Variants in OTUD7A observed in about 807,000 individuals in gnomAD.
The protein encoded by OTUD7A is OTU deubiquitinase 7A.
In OTUD7A, 12 loss-of-function variants were observed where a neutral mutation model predicts 65.7. The ratio of observed to expected loss-of-function variants is 0.18; its 90% CI spans 0.12 to 0.30. The LOEUF (loss-of-function observed/expected upper bound fraction) is 0.30. Among genes scored for constraint, OTUD7A ranks in the 10% least tolerant of loss-of-function variants. The pLI is 1.00. For synonymous variants in OTUD7A, 641 were observed against 586.3 expected (o/e 1.09, Z -1.35); for missense variants, 1,148 against 1,304.8 (o/e 0.88, Z 1.85).
rs1252494411 is a variant in OTUD7A, at chr15:31,851,431, T to C, written c.-100+19076A>G. ...TAGTAATGTCATAGAATCAATGTCA[T>C]ACATGGATTCTCTACTTAGGAAAGG... On this transcript the variant is annotated intron_variant, in intron 1 of 12. Coordinates refer to ENST00000307050, the MANE Select transcript of OTUD7A (RefSeq NM_001382637.1). Among the ~76,000 whole-genome samples the C allele has an allele frequency of 2.0e-5, 3 of 152,224 alleles. No homozygotes were observed. In the East Asian group the frequency reaches 5.8e-4, roughly 29 times the overall value.
Position 31,496,166 on chromosome 15 carries a change from C to T in OTUD7A, c.1171+5524G>A, listed in dbSNP as rs190271729. On this transcript the variant is annotated intron_variant, in intron 10 of 12. Coordinates refer to ENST00000307050, the MANE Select transcript of OTUD7A (RefSeq NM_001382637.1). ...TTGTAATAGGCATTACATACTTCCTCCATTATTTTATTCAGATAGGTACAC... is the reference window on the plus strand; with the variant it reads ...TTGTAATAGGCATTACATACTTCCTTCATTATTTTATTCAGATAGGTACAC... 1.5e-4 allele frequency among the ~76,000 whole-genome samples: 23 copies of T among 151,932 alleles called. No homozygotes were observed. The South Asian group carries it at 2.1e-3, about 14-fold the overall frequency.
chr15:31,625,589 T>C (rs1890927519), intron 3 of OTUD7A, among the ~76,000 whole-genome samples: 1 of 152,210 alleles, frequency 6.6e-6, no homozygotes, highest in Admixed American at 6.5e-5. Flanking sequence ...GCAGTTTCTG[T>C]AATACTCAAC....
At position 31,480,045 on chromosome 15, in the gene OTUD7A, C is replaced by G. The variant is rs532510813; in HGVS notation, c.*3249G>C. Reference sequence around the variant, plus strand: ...AGGTATTTGAACAAGCAGCAAAAAGCGTTTAACCCCCCGGAGCCCACAGTG... The same window carrying G: ...AGGTATTTGAACAAGCAGCAAAAAGGGTTTAACCCCCCGGAGCCCACAGTG... On this transcript the variant is annotated 3_prime_UTR_variant, in exon 13 of 13. Transcript: ENST00000307050. 6.6e-6 allele frequency: 1 copy of G among 152,180 alleles called. No individual in the cohort carries two copies. Among genetic ancestry groups the G allele is most frequent in the South Asian group, 2.1e-4 (1 of 4,824 alleles). The allele number at this position is 152,180 out of a possible 1,614,324, so 9.4% of individuals were successfully genotyped here.
intron 1 of OTUD7A, among the ~76,000 whole-genome samples, chr15:31,785,488 G>A (rs1895648647): frequency 6.6e-6 from 1 of 152,056 alleles, no homozygotes; most frequent in East Asian, 1.9e-4. Flanking sequence ...TCCAGACCTG[G>A]CCTCTGGAGC....
At chr15:31,844,631 T>C (rs890913229) in intron 1 of OTUD7A, among the ~76,000 whole-genome samples, 18 of 152,228 alleles carry the variant, frequency 1.2e-4, no homozygotes, top group Admixed American at 1.2e-3. Context: ...TGGTTCCTCA[T>C]ATACAACTCC....
Position 31,800,263 on chromosome 15 carries a change from C to A in OTUD7A, c.-100+70244G>T, listed in dbSNP as rs538814403. ...TGAGCCCAGGCTGGCCTCACCTAGACGCGCAGCATGTTTCTGCTCCCAGGC... is the reference window on the plus strand; with the variant it reads ...TGAGCCCAGGCTGGCCTCACCTAGAAGCGCAGCATGTTTCTGCTCCCAGGC... On this transcript the variant is annotated intron_variant, in intron 1 of 12. Transcript: ENST00000307050. Among the ~76,000 whole-genome samples, 38 of 152,224 alleles carry A rather than the reference C, an allele frequency of 2.5e-4. 1 individual carries two copies. In the South Asian group the frequency reaches 7.5e-3, roughly 30 times the overall value.
chr15:31,709,582 A>C (rs1198144261), intron 1 of OTUD7A, among the ~76,000 whole-genome samples: 10 of 152,348 alleles, frequency 6.6e-5, no homozygotes, highest in Non-Finnish European at 1.3e-4. Context: ...GGCATTCACC[A>C]AAGAGGATTT....
chr15:31,628,250 A>G (rs1041168801), intron 3 of OTUD7A, among the ~76,000 whole-genome samples: 6 of 152,168 alleles, frequency 3.9e-5, no homozygotes, highest in African/African-American at 1.4e-4. Context: ...TCTTTAGTCT[A>G]TCTTGAATTA....
chr15:31,620,965 T>C (rs1482167432), intron 3 of OTUD7A, among the ~76,000 whole-genome samples: 1 of 138,492 alleles, frequency 7.2e-6, no homozygotes, highest in Non-Finnish European at 1.5e-5. Context: ...TGGTATGTTG[T>C]GTCTTTGTTC....
intron 1 of OTUD7A, among the ~76,000 whole-genome samples, chr15:31,798,893 C>T (rs566792833): frequency 6.6e-6 from 1 of 152,290 alleles, no homozygotes; most frequent in South Asian, 2.1e-4. Context: ...GCAGATCTCT[C>T]CTCTTTTTGC....
intron 1 of OTUD7A, among the ~76,000 whole-genome samples, chr15:31,743,363 G>C (rs1894392774): frequency 6.6e-6 from 1 of 151,934 alleles, no homozygotes; most frequent in Non-Finnish European, 1.5e-5. Context: ...TAACTCATGA[G>C]AGAAAGGAAA....
In OTUD7A at chr15:31,483,737, G is replaced by A; in HGVS notation, c.2359C>T (p.Arg787Trp). Residue 787 changes from arginine to tryptophan, a missense_variant, in exon 13 of 13, where the codon CGG (arginine) becomes TGG (tryptophan). Arg to Trp is a moderately radical substitution (Grantham distance 101). Around this residue, in one of 6 missense-constraint regions of OTUD7A, gnomAD observed 842 missense variants for 769.5 expected, o/e 1.09. Coordinates refer to ENST00000307050, the MANE Select transcript of OTUD7A (RefSeq NM_001382637.1). ...ACGGCCGGCGCGCACGCCTCGTCCC[G>A]CGCGCCCGACGCCTGCACGTGGATG... ...SVIHVQASGA[R>W]DEACAPAVGA... The A allele has an allele frequency of 9.0e-7, 1 of 1,109,770 alleles. No individual in the cohort carries two copies. Among genetic ancestry groups the A allele is most frequent in the Non-Finnish European group, 1.1e-6 (1 of 912,472 alleles). The allele number at this position is 1,109,770 out of a possible 1,614,324, so 68.7% of individuals were successfully genotyped here.
intron 1 of OTUD7A, among the ~76,000 whole-genome samples, chr15:31,743,387 T>C (rs1002953323): frequency 3.3e-5 from 5 of 150,618 alleles, no homozygotes; most frequent in African/African-American, 1.2e-4. Context: ...ACAAGGGAGG[T>C]TAGAAAATAA....
At chr15:31,717,338 T>C (rs1476728363) in intron 1 of OTUD7A, among the ~76,000 whole-genome samples, 1 of 152,146 alleles carries the variant, frequency 6.6e-6, no homozygotes, top group Non-Finnish European at 1.5e-5. Flanking sequence ...TTTGCTGCAC[T>C]CATCAACCCG....
At chr15:31,751,393 CATTAT>C (rs1285815928) in intron 1 of OTUD7A, among the ~76,000 whole-genome samples, 2 of 152,016 alleles carry the variant, frequency 1.3e-5, no homozygotes, top group Non-Finnish European at 2.9e-5. Context: ...TCAGAATGGC[CATTAT>C]TAAAAATCCA....
chr15:31,707,890 T>TCATA (rs1449313384), intron 1 of OTUD7A, among the ~76,000 whole-genome samples: 1 of 152,162 alleles, frequency 6.6e-6, no homozygotes, highest in Admixed American at 6.5e-5. Context: ...GTCATACTTG[T>TCATA]CATACTTCTT....
intron 1 of OTUD7A, among the ~76,000 whole-genome samples, chr15:31,809,257 G>A (rs1230802125): frequency 6.6e-6 from 1 of 152,192 alleles, no homozygotes; most frequent in Non-Finnish European, 1.5e-5. Context: ...TGGCGATTCT[G>A]AATTCCAGCT....
chr15:31,621,077 T>C (rs993062572), intron 3 of OTUD7A, among the ~76,000 whole-genome samples: 2 of 150,568 alleles, frequency 1.3e-5, no homozygotes, highest in Non-Finnish European at 2.9e-5. Flanking sequence ...TTGAGCGGTT[T>C]TGAGAGAGTT....
At chr15:31,724,069 T>C (rs1328363540) in intron 1 of OTUD7A, among the ~76,000 whole-genome samples, 2 of 150,440 alleles carry the variant, frequency 1.3e-5, no homozygotes, top group East Asian at 3.9e-4. Context: ...ATTGGCTATT[T>C]ATATTTCTTC....
Sources: gnomAD v4.1 joint callset for allele counts (sites outside exome capture counted in the v4.1 genomes callset) on GRCh38, gnomAD v4.1.1 for gene constraint, gnomAD v4.1.1 regional missense constraint, MANE v1.5 for transcripts, NCBI Gene and HGNC (gene_info 2026-07-23, HGNC 2026-07-21) for gene names.